Variants in GABBR2 observed in about 807,000 individuals in gnomAD.
GABBR2 encodes G-protein coupled receptor 51.
A neutral mutation model predicts 105.6 loss-of-function variants in GABBR2; 23 were observed. The ratio of observed to expected loss-of-function variants is 0.22; its 90% CI spans 0.16 to 0.31. The LOEUF (loss-of-function observed/expected upper bound fraction) is 0.31. Ranked by LOEUF, GABBR2 falls within the 10% of genes least tolerant of loss-of-function variation. The pLI is 1.00. For missense variants in GABBR2, 734 were observed against 1,245.5 expected, an observed-to-expected ratio of 0.59 and a Z score of 6.18; for synonymous variants, 478 against 499.7, an observed-to-expected ratio of 0.96 and a Z score of 0.58.
rs1491415581 is a variant in GABBR2, at chr9:98,318,915, TGG to T, written c.1894-7712_1894-7711del. 3.7e-3 allele frequency among the ~76,000 whole-genome samples: 492 copies of T among 133,800 alleles called. 3 individuals are homozygous for T. The highest frequency in any genetic ancestry group is 6.2e-3 in the Non-Finnish European group (365 of 59,002). 87.8% of individuals were successfully genotyped at this position (133,800 alleles called of 152,430 possible). ...TTTGTGTGTGTGTGTGTGTGTGTGT[TGG>T]GGGTGTGTGTGTGTGTGTGGTGTGT... On this transcript the variant is annotated intron_variant, in intron 13 of 18. Coordinates refer to ENST00000259455, the MANE Select transcript of GABBR2 (RefSeq NM_005458.8).
intron 2 of GABBR2, among the ~76,000 whole-genome samples, chr9:98,560,598 T>C (rs4743237): frequency 0.12 from 18,793 of 151,988 alleles, 1,495 homozygotes; most frequent in South Asian, 0.18. Context: ...ACGAGGAACA[T>C]TGTATAGCAT....
At chr9:98,661,712 T>C (rs1286080107) in intron 1 of GABBR2, among the ~76,000 whole-genome samples, 1 of 152,180 alleles carries the variant, frequency 6.6e-6, no homozygotes, top group East Asian at 1.9e-4. Context: ...GTGATGACTA[T>C]GTTAGTGGAT....
intron 7 of GABBR2, among the ~76,000 whole-genome samples, chr9:98,439,710 C>T (rs1237511280): frequency 6.6e-6 from 1 of 152,178 alleles, no homozygotes; most frequent in Admixed American, 6.5e-5. Flanking sequence ...AAGAATCCAA[C>T]TGAAGCAGCT....
chr9:98,408,038 C>G (rs1362868729), intron 7 of GABBR2, among the ~76,000 whole-genome samples: 1 of 152,154 alleles, frequency 6.6e-6, no homozygotes, highest in African/African-American at 2.4e-5. Flanking sequence ...AATTATGGAC[C>G]AAGCACAGGT....
At chr9:98,392,857 C>T (rs982592039) in intron 9 of GABBR2, among the ~76,000 whole-genome samples, 2 of 152,156 alleles carry the variant, frequency 1.3e-5, no homozygotes, top group African/African-American at 4.8e-5. Context: ...ATCTATCTAT[C>T]CACTACCCAT....
chr9:98,660,259 C>T lies in GABBR2; in HGVS notation c.321+48158G>A, dbSNP rs189750989. ...TGAATTTTCTAGATCAGAGAAGATA[C>T]AGGTTTTAAAGTTGTTTGATAAATA... On this transcript the variant is annotated intron_variant, in intron 1 of 18. Coordinates refer to ENST00000259455, the MANE Select transcript of GABBR2 (RefSeq NM_005458.8). Among the ~76,000 whole-genome samples the T allele has an allele frequency of 9.2e-5, 14 of 152,250 alleles. No homozygotes were observed. In the East Asian group the frequency reaches 2.3e-3, roughly 25 times the overall value.
At chr9:98,303,462 C>A in intron 15 of GABBR2, 39 bp from the exon 16 acceptor site, 2 of 1,556,836 alleles carry the variant, frequency 1.3e-6, no homozygotes, top group South Asian at 1.2e-5. Flanking sequence ...GAAGAGAGAG[C>A]CTTGAGTCCT....
At chr9:98,554,012 A>C (rs1828537912) in intron 2 of GABBR2, among the ~76,000 whole-genome samples, 1 of 152,218 alleles carries the variant, frequency 6.6e-6, no homozygotes, top group African/African-American at 2.4e-5. Context: ...TTTTTAGATA[A>C]GGAAACTGAT....
chr9:98,433,855 T>G (rs1825855206), intron 7 of GABBR2, among the ~76,000 whole-genome samples: 1 of 152,064 alleles, frequency 6.6e-6, no homozygotes, highest in South Asian at 2.1e-4. Flanking sequence ...CTGAACCTTA[T>G]GGAGAGAGTG....
At chr9:98,294,496 T>A (rs1200516869) in intron 17 of GABBR2, among the ~76,000 whole-genome samples, 1 of 151,662 alleles carries the variant, frequency 6.6e-6, no homozygotes, top group Non-Finnish European at 1.5e-5. Flanking sequence ...AACCTCGGCA[T>A]CTTTTTTTTT....
At chr9:98,562,928 G>T (rs550851132) in intron 2 of GABBR2, among the ~76,000 whole-genome samples, 1 of 151,696 alleles carries the variant, frequency 6.6e-6, no homozygotes, top group Admixed American at 6.6e-5. Context: ...AAATTAGCCG[G>T]GTATGGTGGT....
chr9:98,498,908 T>A (rs572695366), intron 3 of GABBR2, among the ~76,000 whole-genome samples: 1 of 152,246 alleles, frequency 6.6e-6, no homozygotes, highest in African/African-American at 2.4e-5. Flanking sequence ...AACATGCACA[T>A]GTGGCCCTCC....
At chr9:98,397,635 A>G (rs367859015) in intron 8 of GABBR2, among the ~76,000 whole-genome samples, 4 of 152,202 alleles carry the variant, frequency 2.6e-5, no homozygotes, top group East Asian at 1.9e-4. Flanking sequence ...TCTTCCTGCC[A>G]TCTGTTCCTC....
At chr9:98,514,861 A>C (rs928006260) in intron 3 of GABBR2, among the ~76,000 whole-genome samples, 1 of 152,306 alleles carries the variant, frequency 6.6e-6, no homozygotes, top group Admixed American at 6.5e-5. Flanking sequence ...TGTCTCTTGA[A>C]GAATGGTGGA....
chr9:98,566,188 G>A (rs558345249), intron 2 of GABBR2, among the ~76,000 whole-genome samples: 7 of 152,116 alleles, frequency 4.6e-5, no homozygotes, highest in Non-Finnish European at 1.0e-4. Flanking sequence ...TACTTCCTGG[G>A]GCACTCTCAA....
Position 98,362,866 on chromosome 9 carries a change from C to T in GABBR2, c.1771-29G>A, listed in dbSNP as rs514993. The T allele has an allele frequency of 0.18, 270,077 of 1,485,338 alleles. 25,777 individuals carry two copies. The highest frequency in any genetic ancestry group is 0.2 in the South Asian group (13,819 of 67,892). The allele number at this position is 1,485,338 out of a possible 1,614,324, so 92.0% of individuals were successfully genotyped here. ...CAGAGCGGGAAGGAGCAGAGGGGAG[C>T]CGATGTGAGAGACAGCTTCCCACGC... On this transcript the variant is annotated intron_variant, in intron 12 of 18. Transcript: ENST00000259455.
intron 2 of GABBR2, chr9:98,552,162 G>A (rs1235162937): frequency 1.3e-5 from 2 of 152,256 alleles, no homozygotes; most frequent in East Asian, 1.9e-4. Flanking sequence ...TGGGGCATCC[G>A]AGTTTAGCTT....
intron 1 of GABBR2, among the ~76,000 whole-genome samples, chr9:98,658,642 A>T (rs980881302): frequency 6.6e-6 from 1 of 152,240 alleles, no homozygotes; most frequent in South Asian, 2.1e-4. Context: ...CCAAGGAACC[A>T]CTGCCAGTAT....
At chr9:98,476,413 T>C (rs1826795194) in intron 5 of GABBR2, among the ~76,000 whole-genome samples, 2 of 152,162 alleles carry the variant, frequency 1.3e-5, no homozygotes, top group South Asian at 4.2e-4. Context: ...AATAATACAG[T>C]CAAACAGCAG....
Sources: gnomAD v4.1 joint callset for allele counts (sites outside exome capture counted in the v4.1 genomes callset) on GRCh38, gnomAD v4.1.1 for gene constraint, MANE v1.5 for transcripts, NCBI Gene and HGNC (gene_info 2026-07-23, HGNC 2026-07-21) for gene names.